Variants in MLLT3 observed in about 807,000 individuals in gnomAD.
MLLT3 encodes the protein protein AF-9.
Under a neutral mutation model 53.2 loss-of-function variants are expected in MLLT3, and 4 were observed. The observed-to-expected ratio is 0.08, with a 90% CI of 0.04 to 0.17. The LOEUF is 0.17. Among genes scored for constraint, MLLT3 ranks in the 10% least tolerant of loss-of-function variants. The pLI, the probability that MLLT3 is intolerant of heterozygous loss-of-function variation, is 1.00. For missense variants in MLLT3, 569 were observed against 684.0 expected, an observed-to-expected ratio of 0.83 and a Z score of 1.87; for synonymous variants, 283 against 230.6, an observed-to-expected ratio of 1.23 and a Z score of -2.06.
chr9:20,427,678 A>G lies in MLLT3; in HGVS notation c.421-13253T>C, dbSNP rs1240272605. Among the ~76,000 whole-genome samples the G allele has an allele frequency of 3.3e-5, 5 of 152,086 alleles. No homozygotes were observed. In the East Asian group the frequency reaches 7.7e-4, roughly 23 times the overall value. ...AAATGAAGAACACCAAAACAAAAAA[A>G]CTATAAAGACAGTAAGAAACAAGAG... On this transcript the variant is annotated intron_variant, in intron 4 of 10. Coordinates refer to ENST00000380338, the MANE Select transcript of MLLT3 (RefSeq NM_004529.4).
At position 20,459,283 on chromosome 9, in the gene MLLT3, A is replaced by G. The variant is rs1004817217; in HGVS notation, c.194-2497T>C. On this transcript the variant is annotated intron_variant, in intron 2 of 10. Coordinates refer to ENST00000380338, the MANE Select transcript of MLLT3 (RefSeq NM_004529.4). ...AGAATGAGACATCTCACATGACCTT[A>G]TAAGTTTCTCTAATAGAAAAACGAA... is the stretch of plus-strand genomic sequence containing the variant. Among the ~76,000 whole-genome samples, 5 of 152,238 alleles carry G rather than the reference A, an allele frequency of 3.3e-5. No homozygotes were observed. The South Asian group carries it at 8.3e-4, about 25-fold the overall frequency.
chr9:20,620,549 G>C lies in MLLT3; in HGVS notation c.193+105C>G. 1 of 1,054,082 alleles carries C rather than the reference G, an allele frequency of 9.5e-7. No individual in the cohort carries two copies. The highest frequency in any genetic ancestry group is 1.3e-6 in the Non-Finnish European group (1 of 791,156). 65.3% of individuals were successfully genotyped at this position (1,054,082 alleles called of 1,614,324 possible). ...GCACCCGGATCCCGAGGCTACGCCG[G>C]CGAGCGCGGCGCGGGGGGCGGGGAG... On this transcript the variant is annotated intron_variant, in intron 2 of 10. Transcript: ENST00000380338. This position sits in a 1 kb window ranked among gnomAD's most constrained non-coding sequence, Gnocchi z 6.1.
At chr9:20,590,801 T>C (rs1272844244) in intron 2 of MLLT3, among the ~76,000 whole-genome samples, 1 of 152,196 alleles carries the variant, frequency 6.6e-6, no homozygotes, top group Non-Finnish European at 1.5e-5. Flanking sequence ...AGTGGCCTGA[T>C]CATCATGCAC....
chr9:20,554,023 A>G (rs1208681289), intron 2 of MLLT3, among the ~76,000 whole-genome samples: 1 of 152,184 alleles, frequency 6.6e-6, no homozygotes, highest in Non-Finnish European at 1.5e-5. Context: ...CATACCCTTG[A>G]TAATGACTAG....
intron 2 of MLLT3, among the ~76,000 whole-genome samples, chr9:20,589,585 AAT>A (rs1232734642): frequency 1.0e-3 from 58 of 55,596 alleles, no homozygotes; most frequent in African/African-American, 3.0e-3. Context: ...AAAGTATAAT[AAT>A]AAAAAAAAAA....
chr9:20,570,758 T>C (rs953824681), intron 2 of MLLT3, among the ~76,000 whole-genome samples: 3 of 144,774 alleles, frequency 2.1e-5, no homozygotes, highest in Non-Finnish European at 4.4e-5. Flanking sequence ...ATTGTTCTTC[T>C]TTAAAAAGCA....
chr9:20,572,559 C>T (rs928782082), intron 2 of MLLT3, among the ~76,000 whole-genome samples: 2 of 152,102 alleles, frequency 1.3e-5, no homozygotes, highest in African/African-American at 2.4e-5. Context: ...TTTGGAAGGC[C>T]GAGGCAGGCG....
At chr9:20,535,544 A>G (rs1407951335) in intron 2 of MLLT3, among the ~76,000 whole-genome samples, 1 of 152,204 alleles carries the variant, frequency 6.6e-6, no homozygotes, top group Non-Finnish European at 1.5e-5. Context: ...ATGCGCAACC[A>G]AAAAAATCAA....
intron 3 of MLLT3, among the ~76,000 whole-genome samples, chr9:20,454,312 T>C (rs547659792): frequency 1.5e-4 from 23 of 152,238 alleles, no homozygotes; most frequent in African/African-American, 5.5e-4. Context: ...TTGCTGCCTC[T>C]TCATCCTTTA....
At chr9:20,476,312 G>T (rs528124517) in intron 2 of MLLT3, among the ~76,000 whole-genome samples, 1 of 152,208 alleles carries the variant, frequency 6.6e-6, no homozygotes, top group South Asian at 2.1e-4. Context: ...TTTTAAGCAA[G>T]TTAGAGTGAC....
chr9:20,408,617 G>A (rs1239517660), intron 5 of MLLT3, among the ~76,000 whole-genome samples: 5 of 152,082 alleles, frequency 3.3e-5, no homozygotes, highest in Non-Finnish European at 7.4e-5. Flanking sequence ...TTTAATGAAT[G>A]GCCTCTCCAG....
At chr9:20,554,988 CTTAATT>C (rs1440306576) in intron 2 of MLLT3, among the ~76,000 whole-genome samples, 3 of 152,168 alleles carry the variant, frequency 2.0e-5, no homozygotes, top group Admixed American at 6.5e-5. Context: ...TAATTTTAAT[CTTAATT>C]TTAATTATTC....
chr9:20,448,398 C>G lies in MLLT3; in HGVS notation c.277-132G>C, dbSNP rs1823758923. 1.5e-6 allele frequency: 1 copy of G among 681,414 alleles called. No homozygotes were observed. Among genetic ancestry groups the G allele is most frequent in the Non-Finnish European group, 2.3e-6 (1 of 434,692 alleles). 42.2% of individuals were successfully genotyped at this position (681,414 alleles called of 1,614,324 possible). On this transcript the variant is annotated intron_variant, in intron 3 of 10. Coordinates refer to ENST00000380338, the MANE Select transcript of MLLT3 (RefSeq NM_004529.4). The surrounding 1 kb of genome is among the most constrained non-coding windows in gnomAD (Gnocchi z 4.0). The stretch of plus-strand genomic sequence containing the variant: ...TAACAGCTAAACTGTCAAAGTAGTA[C>G]TGGGAAAAAAAAAAGTATCATGGAA...
intron 2 of MLLT3, among the ~76,000 whole-genome samples, chr9:20,493,317 A>C (rs962213993): frequency 1.4e-4 from 21 of 152,012 alleles, no homozygotes; most frequent in African/African-American, 3.9e-4. Flanking sequence ...CCTTTTCAAC[A>C]GGTGTTTAAA....
At chr9:20,487,909 C>CTTTATT (rs1456978780) in intron 2 of MLLT3, among the ~76,000 whole-genome samples, 1 of 151,996 alleles carries the variant, frequency 6.6e-6, no homozygotes, top group African/African-American at 2.4e-5. Context: ...AAGTTCAAAG[C>CTTTATT]TTTATTTTTT....
intron 2 of MLLT3, among the ~76,000 whole-genome samples, chr9:20,520,049 G>A (rs1449768110): frequency 1.3e-5 from 2 of 152,124 alleles, no homozygotes; most frequent in Non-Finnish European, 2.9e-5. Context: ...CCTTTGCAGG[G>A]ACATGGGTGG....
intron 2 of MLLT3, among the ~76,000 whole-genome samples, chr9:20,478,656 C>T (rs943602407): frequency 2.0e-5 from 3 of 152,174 alleles, no homozygotes; most frequent in African/African-American, 7.2e-5. Context: ...GAAAAGAGCA[C>T]AGGACCGTGA....
In MLLT3 at chr9:20,342,686, G is replaced by A. The variant is rs189027710; in HGVS notation, c.*3757C>T. On this transcript the variant is annotated 3_prime_UTR_variant, in exon 11 of 11. Coordinates refer to ENST00000380338, the MANE Select transcript of MLLT3 (RefSeq NM_004529.4). ...AAAAGCATCATATAAAACAAAAGAG[G>A]TCAAAAGATGTAGACTTCCAGCCCG... The A allele has an allele frequency of 6.1e-4, 131 of 213,544 alleles. No homozygotes were observed. Among genetic ancestry groups the A allele is most frequent in the African/African-American group, 2.7e-3 (118 of 44,206 alleles). The allele number at this position is 213,544 out of a possible 1,614,324, so 13.2% of individuals were successfully genotyped here.
At chr9:20,424,415 T>C (rs182559662) in intron 4 of MLLT3, among the ~76,000 whole-genome samples, 4 of 152,328 alleles carry the variant, frequency 2.6e-5, no homozygotes, top group Non-Finnish European at 5.9e-5. Flanking sequence ...AACTGCAAGA[T>C]ACTTCTCATC....
Sources: gnomAD v4.1 joint callset for allele counts (sites outside exome capture counted in the v4.1 genomes callset) on GRCh38, gnomAD v4.1.1 for gene constraint, Gnocchi (gnomAD v3.1) non-coding constraint, MANE v1.5 for transcripts, NCBI Gene and HGNC (gene_info 2026-07-23, HGNC 2026-07-21) for gene names.